The following CPE variants were observed in gnomAD, a reference collection of about 807,000 sequenced individuals.
CPE encodes carboxypeptidase E.
A neutral mutation model predicts 53.5 loss-of-function variants in CPE; 17 were observed. The ratio of observed to expected loss-of-function variants is 0.32; its 90% CI spans 0.22 to 0.48. The LOEUF (loss-of-function observed/expected upper bound fraction) is 0.48, where lower values mean the gene tolerates loss of function less well. Ranked by LOEUF, CPE falls within the 20% of genes least tolerant of loss-of-function variation. The pLI is 0.99. For missense variants in CPE, 524 were observed against 614.7 expected (o/e 0.85, Z 1.56); for synonymous variants, 226 against 228.8 (o/e 0.99, Z 0.11).
intron 1 of CPE, among the ~76,000 whole-genome samples, chr4:165,426,788 C>T (rs868816441): frequency 2.0e-4 from 30 of 152,164 alleles, no homozygotes; most frequent in African/African-American, 6.0e-4. Context: ...AGCAGTCTCT[C>T]GTGAGGTATC....
At chr4:165,494,997 T>G (rs941586715) in intron 7 of CPE, among the ~76,000 whole-genome samples, 1 of 152,210 alleles carries the variant, frequency 6.6e-6, no homozygotes, top group African/African-American at 2.4e-5. Context: ...GGAGCTGGAA[T>G]CAGATTTTTC....
chr4:165,485,501 C>T (rs576677400), intron 5 of CPE, among the ~76,000 whole-genome samples: 7 of 152,030 alleles, frequency 4.6e-5, no homozygotes, highest in African/African-American at 1.4e-4. Context: ...TTATATTTTG[C>T]ATTTTATCCA....
In CPE at chr4:165,495,622, C is replaced by T. The variant is rs1326683450; in HGVS notation, c.1277C>T (p.Pro426Leu). 4.3e-6 allele frequency: 7 copies of T among 1,613,896 alleles called. No individual in the cohort carries two copies. Among genetic ancestry groups the T allele is most frequent in the Non-Finnish European group, 5.9e-6 (7 of 1,179,974 alleles). ...AACTATAAACTTACAGCCTCAGCTC[C>T]AGGCTATCTGGCAATAACAAAGAAA... ...PGNYKLTASA[P>L]GYLAITKKVA... The change falls in exon 8 of 9, where the codon CCA becomes CTA. Residue 426 changes from proline (P) to leucine (L), a missense_variant. Coordinates refer to ENST00000402744, the MANE Select transcript of CPE (RefSeq NM_001873.4).
Position 165,428,031 on chromosome 4 carries a change from CTTTTATTTCTT to C in CPE, c.308-36352_308-36342del, listed in dbSNP as rs1361155063. 5.9e-3 allele frequency among the ~76,000 whole-genome samples: 886 copies of C among 151,034 alleles called. 12 individuals carry two copies. The highest frequency in any genetic ancestry group is 0.021 in the African/African-American group (860 of 41,086). On this transcript the variant is annotated intron_variant, in intron 1 of 8. Coordinates refer to ENST00000402744, the MANE Select transcript of CPE (RefSeq NM_001873.4). ...CTCTCTCTCTCTCTCTTTCTTTCCT[CTTTTATTTCTT>C]TTTTATAGACAAGCTTTTGCTCTGT...
chr4:165,433,809 A>G (rs930323894), intron 1 of CPE, among the ~76,000 whole-genome samples: 17 of 152,188 alleles, frequency 1.1e-4, no homozygotes, highest in African/African-American at 3.9e-4. Context: ...GCCCCTGCCT[A>G]ATGTTATTTA....
intron 3 of CPE, among the ~76,000 whole-genome samples, chr4:165,481,416 T>C (rs1732410031): frequency 6.6e-6 from 1 of 152,234 alleles, no homozygotes; most frequent in South Asian, 2.1e-4. Flanking sequence ...TTAGATTTTC[T>C]GTCCTAAAGA....
chr4:165,447,591 AAAAG>A (rs1731739021), intron 1 of CPE, among the ~76,000 whole-genome samples: 1 of 150,170 alleles, frequency 6.7e-6, no homozygotes, highest in Non-Finnish European at 1.5e-5. Flanking sequence ...AAAAGAAAAG[AAAAG>A]AAAAGAAAAG....
At chr4:165,431,931 TG>T (rs1401615527) in intron 1 of CPE, among the ~76,000 whole-genome samples, 1 of 151,520 alleles carries the variant, frequency 6.6e-6, no homozygotes, top group Admixed American at 6.6e-5. Flanking sequence ...GAGAGATGAG[TG>T]TAGTAGATGG....
intron 5 of CPE, among the ~76,000 whole-genome samples, chr4:165,485,200 C>A (rs186491243): frequency 8.8e-4 from 134 of 152,286 alleles, no homozygotes; most frequent in African/African-American, 3.1e-3. Flanking sequence ...CAAGGAAGCT[C>A]TCTTGCCTTC....
intron 1 of CPE, among the ~76,000 whole-genome samples, chr4:165,387,610 A>G (rs895048292): frequency 1.3e-5 from 2 of 151,980 alleles, no homozygotes; most frequent in African/African-American, 4.8e-5. Flanking sequence ...GGAGTTCAAG[A>G]CCAGCCTGAC....
At chr4:165,413,529 T>G (rs2126669074) in intron 1 of CPE, among the ~76,000 whole-genome samples, 1 of 148,650 alleles carries the variant, frequency 6.7e-6, no homozygotes, top group African/African-American at 2.5e-5. Flanking sequence ...CTCATAGCTC[T>G]TAGCTGAATT....
chr4:165,487,293 G>T, intron 5 of CPE, 145 bp from the exon 6 acceptor site: 1 of 1,061,150 alleles, frequency 9.4e-7, no homozygotes, highest in Non-Finnish European at 1.4e-6. Flanking sequence ...CCTTACAGCA[G>T]ATGATTTCCC....
At chr4:165,496,906 T>A (rs1413662860) in intron 8 of CPE, among the ~76,000 whole-genome samples, 1 of 152,156 alleles carries the variant, frequency 6.6e-6, no homozygotes, top group East Asian at 1.9e-4. Flanking sequence ...GAAAATTAAC[T>A]ATAAGTTACA....
chr4:165,461,081 C>T (rs1731989773), intron 1 of CPE, among the ~76,000 whole-genome samples: 1 of 148,608 alleles, frequency 6.7e-6, no homozygotes, highest in East Asian at 2.0e-4. Flanking sequence ...GTGGGAGGAT[C>T]ACCTGAGCCC....
chr4:165,388,834 TC>T (rs1333877415), intron 1 of CPE, among the ~76,000 whole-genome samples: 1 of 152,102 alleles, frequency 6.6e-6, no homozygotes, highest in African/African-American at 2.4e-5. Context: ...TCAAACATTT[TC>T]ATTTGTCTCA....
At chr4:165,450,476 GTACTT>G (rs994163997) in intron 1 of CPE, among the ~76,000 whole-genome samples, 13 of 152,124 alleles carry the variant, frequency 8.5e-5, no homozygotes. Flanking sequence ...AATCTTGAAA[GTACTT>G]TAGTGAGAGA....
At chr4:165,417,084 G>T (rs1375162782) in intron 1 of CPE, among the ~76,000 whole-genome samples, 2 of 152,120 alleles carry the variant, frequency 1.3e-5, no homozygotes, top group African/African-American at 4.8e-5. Context: ...TTAGGGGACA[G>T]AAAGAAAGAG....
At chr4:165,441,360 C>A (rs1039835433) in intron 1 of CPE, among the ~76,000 whole-genome samples, 1 of 152,160 alleles carries the variant, frequency 6.6e-6, no homozygotes, top group African/African-American at 2.4e-5. Flanking sequence ...ACTTGGTGGA[C>A]CTTGGCTTTC....
chr4:165,382,159 A>AG (rs1458964716), intron 1 of CPE, among the ~76,000 whole-genome samples: 2 of 145,892 alleles, frequency 1.4e-5, no homozygotes, highest in Non-Finnish European at 3.0e-5. Context: ...AAAAGACAGT[A>AG]GGTCAGCAGG....
Sources: gnomAD v4.1 joint callset for allele counts (sites outside exome capture counted in the v4.1 genomes callset) on GRCh38, gnomAD v4.1.1 for gene constraint, MANE v1.5 for transcripts, NCBI Gene and HGNC (gene_info 2026-07-23, HGNC 2026-07-21) for gene names.